BICDL1: variants seen among roughly 807,000 people sequenced by gnomAD.
BICDL1 encodes the protein BICD family like cargo adaptor 1, also known as BICD family-like cargo adapter 1.
A neutral mutation model predicts 76.8 loss-of-function variants in BICDL1; 20 were observed. The observed-to-expected ratio is 0.26, with a 90% confidence interval of 0.18 to 0.38. The LOEUF is 0.38. Among genes scored for constraint, BICDL1 ranks in the 10% least tolerant of loss-of-function variants. The pLI is 1.00. For missense variants in BICDL1, 700 were observed against 798.6 expected, an observed-to-expected ratio of 0.88 and a Z score of 1.49; for synonymous variants, 383 against 337.1, an observed-to-expected ratio of 1.14 and a Z score of -1.49.
At chr12:120,007,450 C>A (rs530986166) in intron 2 of BICDL1, among the ~76,000 whole-genome samples, 36 of 152,096 alleles carry the variant, frequency 2.4e-4, no homozygotes, top group African/African-American at 8.4e-4. Context: ...CAAGAGTGTC[C>A]CCCACCCCCC....
chr12:120,090,140 TA>T, intron 9 of BICDL1, 69 bp downstream of exon 9: 1 of 1,575,434 alleles, frequency 6.3e-7, no homozygotes, highest in Non-Finnish European at 8.6e-7. Context: ...AGGCAGAGTG[TA>T]AGGAGAGTTT....
chr12:120,020,095 C>G (rs1025180391), intron 2 of BICDL1, among the ~76,000 whole-genome samples: 3 of 152,174 alleles, frequency 2.0e-5, no homozygotes, highest in Non-Finnish European at 4.4e-5. Flanking sequence ...ATGAGCACCC[C>G]CAGTGCCCAT....
chr12:120,029,753 C>G (rs1474016582), intron 2 of BICDL1, among the ~76,000 whole-genome samples: 1 of 144,328 alleles, frequency 6.9e-6, no homozygotes, highest in East Asian at 2.3e-4. Context: ...CCCGCCGGTT[C>G]AAGTAATTAT....
chr12:120,083,597 A>G (rs1303143763), intron 8 of BICDL1, among the ~76,000 whole-genome samples: 1 of 151,752 alleles, frequency 6.6e-6, no homozygotes, highest in Admixed American at 6.6e-5. Flanking sequence ...AAATGTGTCT[A>G]CTTTGGGGTC....
At chr12:120,063,946 C>T (rs1284640169) in intron 3 of BICDL1, among the ~76,000 whole-genome samples, 2 of 152,200 alleles carry the variant, frequency 1.3e-5, no homozygotes, top group African/African-American at 2.4e-5. Context: ...TGTTTTCTCA[C>T]TGACACTGAA....
intron 2 of BICDL1, among the ~76,000 whole-genome samples, chr12:120,012,393 A>G (rs769552165): frequency 4.6e-5 from 7 of 152,202 alleles, no homozygotes; most frequent in Non-Finnish European, 1.0e-4. Flanking sequence ...TTGCCCTGGT[A>G]TGATTAGTTG....
intron 8 of BICDL1, among the ~76,000 whole-genome samples, chr12:120,083,529 C>T (rs1044003930): frequency 6.6e-6 from 1 of 152,160 alleles, no homozygotes; most frequent in Non-Finnish European, 1.5e-5. Flanking sequence ...AGATTATAAG[C>T]AAGAGCCACG....
intron 6 of BICDL1, 110 bp from the exon 7 acceptor site, chr12:120,074,333 C>T (rs1235757925): frequency 1.6e-6 from 1 of 613,852 alleles, no homozygotes; most frequent in Non-Finnish European, 2.1e-6. Flanking sequence ...TTCCTCCACT[C>T]TCCCCCATTT....
chr12:120,053,892 G>T (rs1256142700), intron 2 of BICDL1, among the ~76,000 whole-genome samples: 1 of 151,968 alleles, frequency 6.6e-6, no homozygotes, highest in Non-Finnish European at 1.5e-5. Context: ...AAACTGTAAG[G>T]CCAGGTGCAG....
At chr12:119,991,062 G>A (rs1453376727) in intron 1 of BICDL1, among the ~76,000 whole-genome samples, 1 of 151,996 alleles carries the variant, frequency 6.6e-6, no homozygotes, top group Non-Finnish European at 1.5e-5. Flanking sequence ...CAGTCTTTCA[G>A]AGTTGTTTGT....
intron 2 of BICDL1, among the ~76,000 whole-genome samples, chr12:120,061,145 C>T (rs1018527209): frequency 1.3e-5 from 2 of 152,170 alleles, no homozygotes; most frequent in Non-Finnish European, 2.9e-5. Flanking sequence ...GAAACAGGCA[C>T]CTCTGCTGGC....
At chr12:120,014,099 C>A (rs1952013124) in intron 2 of BICDL1, among the ~76,000 whole-genome samples, 1 of 152,162 alleles carries the variant, frequency 6.6e-6, no homozygotes, top group Admixed American at 6.5e-5. Context: ...CTTTGAAAAA[C>A]AAGGTGTAAA....
In BICDL1 at chr12:119,990,028, C is replaced by T. The variant is rs1264542093; in HGVS notation, c.160C>T (p.Leu54=). The change falls in exon 1 of 10, where the codon CTG becomes TTG. Residue 54 remains leucine, a synonymous_variant. Coordinates refer to ENST00000548673, the MANE Select transcript of BICDL1 (RefSeq NM_001367886.1). ...CCCCGGGGGCTCCGGGGAGCTAGAA[C>T]TGGCGTTAGAGGAGGAGCTGGCGCT... The part of the protein sequence containing the change: ...IFPGGSGELE[L]ALEEELALLA... 32 of 1,517,682 alleles carry T rather than the reference C, an allele frequency of 2.1e-5. No individual in the cohort carries two copies. The East Asian group carries it at 5.0e-4, about 24-fold the overall frequency. The allele number at this position is 1,517,682 out of a possible 1,614,324, so 94.0% of individuals were successfully genotyped here.
At chr12:120,086,291 A>G (rs147097440) in intron 8 of BICDL1, among the ~76,000 whole-genome samples, 185 of 152,358 alleles carry the variant, frequency 1.2e-3, no homozygotes, top group Non-Finnish European at 2.2e-3. Context: ...TTTGTTATAC[A>G]AGAATTGAGA....
Position 120,093,317 on chromosome 12 carries a change from G to A in BICDL1, c.*156G>A, listed in dbSNP as rs1875149064. 1.2e-6 allele frequency: 1 copy of A among 855,330 alleles called. No individual in the cohort carries two copies. The highest frequency in any genetic ancestry group is 1.8e-6 in the Non-Finnish European group (1 of 565,062). 53.0% of individuals were successfully genotyped at this position (855,330 alleles called of 1,614,324 possible). A position where few individuals can be genotyped will look rare whatever the true frequency, so the allele number is the denominator to read the frequency against. On this transcript the variant is annotated 3_prime_UTR_variant, in exon 10 of 10. Coordinates refer to ENST00000548673, the MANE Select transcript of BICDL1 (RefSeq NM_001367886.1). Reference sequence around the variant, plus strand: ...GGAGGGCCTGCTCCCTTTCGTCGGTGGGGATGGAGACCTAGAGGTGGGGGC... The same window carrying A: ...GGAGGGCCTGCTCCCTTTCGTCGGTAGGGATGGAGACCTAGAGGTGGGGGC...
intron 2 of BICDL1, among the ~76,000 whole-genome samples, chr12:120,021,697 C>A (rs977417994): frequency 2.0e-5 from 3 of 150,770 alleles, no homozygotes; most frequent in Non-Finnish European, 4.4e-5. Flanking sequence ...GTCAGGTCTC[C>A]AGTTGGAGAT....
At chr12:120,032,737 C>T (rs1481257516) in intron 2 of BICDL1, among the ~76,000 whole-genome samples, 2 of 149,132 alleles carry the variant, frequency 1.3e-5, no homozygotes, top group Non-Finnish European at 3.0e-5. Flanking sequence ...TACCTAAATA[C>T]ATCTATAATT....
At position 120,092,387 on chromosome 12, in the gene BICDL1, G is replaced by A. The variant is rs1198397172; in HGVS notation, c.1705-613G>A. 3 of 985,378 alleles carry A rather than the reference G, an allele frequency of 3.0e-6. No individual in the cohort carries two copies. In the Admixed American group the frequency reaches 1.8e-4, roughly 61 times the overall value. 61.0% of individuals were successfully genotyped at this position (985,378 alleles called of 1,614,324 possible). A position where few individuals can be genotyped will look rare whatever the true frequency, so the allele number is the denominator to read the frequency against. On this transcript the variant is annotated intron_variant, in intron 9 of 9. Transcript: ENST00000548673. ...TGGTGCAGGACAGCCCCTGAAGACC[G>A]TGAGGCCCCTGGCCTCTGCCGCAGA... is the stretch of plus-strand genomic sequence containing the variant.
At chr12:119,992,038 G>A (rs180898510) in intron 1 of BICDL1, among the ~76,000 whole-genome samples, 1 of 152,316 alleles carries the variant, frequency 6.6e-6, no homozygotes, top group African/African-American at 2.4e-5. Context: ...TCTGGAGATA[G>A]TCGCACAACA....
Sources: gnomAD v4.1 joint callset for allele counts (sites outside exome capture counted in the v4.1 genomes callset) on GRCh38, gnomAD v4.1.1 for gene constraint, MANE v1.5 for transcripts, NCBI Gene and HGNC (gene_info 2026-07-23, HGNC 2026-07-21) for gene names.